Variants in LY96 observed in about 807,000 individuals in gnomAD.
LY96 encodes the protein lymphocyte antigen 96, also known as myeloid differentiation protein-2.
In LY96, 18 loss-of-function variants were observed where a neutral mutation model predicts 18.9. The ratio of observed to expected loss-of-function variants is 0.95; its 90% CI spans 0.66 to 1.41. The LOEUF (loss-of-function observed/expected upper bound fraction) is 1.41. Ranked by LOEUF, LY96 falls within the 40% of genes most tolerant of loss-of-function variation. LY96 has a pLI of 0.00. For synonymous variants in LY96, 66 were observed against 62.6 expected (o/e 1.06, Z -0.26); for missense variants, 175 against 182.4 (o/e 0.96, Z 0.23).
intron 3 of LY96, among the ~76,000 whole-genome samples, chr8:74,013,108 C>T (rs990726919): frequency 8.6e-5 from 13 of 151,888 alleles, no homozygotes; most frequent in Non-Finnish European, 1.6e-4. Flanking sequence ...AGGCACAGAT[C>T]ACCATGTCCA....
chr8:73,996,007 G>A (rs1816118623), intron 1 of LY96, among the ~76,000 whole-genome samples: 1 of 152,122 alleles, frequency 6.6e-6, no homozygotes, highest in Admixed American at 6.6e-5. Flanking sequence ...TTTTAAATCA[G>A]GATGGCCAGC....
chr8:74,095,434 G>A, the LY96 span, among the ~76,000 whole-genome samples: 3 of 152,174 alleles, frequency 2.0e-5, no homozygotes, highest in Admixed American at 1.3e-4. Context: ...TGCCAGCCAC[G>A]GTGCCCCTTT....
At chr8:74,039,984 A>G in the LY96 span, among the ~76,000 whole-genome samples, 36 of 152,164 alleles carry the variant, frequency 2.4e-4, no homozygotes, top group African/African-American at 8.0e-4. Context: ...CAGTCTGCTA[A>G]GTAATGGGTG....
the LY96 span, among the ~76,000 whole-genome samples, chr8:74,060,088 A>G: frequency 1.3e-5 from 2 of 151,942 alleles, no homozygotes; most frequent in African/African-American, 4.8e-5. Context: ...CAGAGGTTGC[A>G]GTGAGCCAGG....
chr8:74,058,593 C>T, the LY96 span, among the ~76,000 whole-genome samples: 640 of 150,828 alleles, frequency 4.2e-3, 3 homozygotes, highest in African/African-American at 0.015. Flanking sequence ...AATCTCGGCT[C>T]ACTGCAACCT....
chr8:74,061,447 T>A, the LY96 span, among the ~76,000 whole-genome samples: 2 of 152,186 alleles, frequency 1.3e-5, no homozygotes, highest in Non-Finnish European at 2.9e-5. Flanking sequence ...GAGAGAAACA[T>A]GTTTCTTAAC....
At chr8:73,996,372 C>CATTCCTTTCTTTCTTTCTTTCTTT (rs756373007) in intron 1 of LY96, among the ~76,000 whole-genome samples, 2 of 110,908 alleles carry the variant, frequency 1.8e-5, no homozygotes, top group African/African-American at 3.5e-5. Context: ...TTCCTTCATT[C>CATTCCTTTCTTTCTTTCTTTCTTT]CTTTCTTTCT....
the LY96 span, among the ~76,000 whole-genome samples, chr8:74,059,993 G>A: frequency 3.3e-5 from 5 of 152,232 alleles, no homozygotes; most frequent in East Asian, 9.7e-4. Flanking sequence ...ACAAAAATTA[G>A]CTGTGCGTGG....
chr8:74,035,954 A>G, the LY96 span, among the ~76,000 whole-genome samples: 1 of 152,220 alleles, frequency 6.6e-6, no homozygotes, highest in East Asian at 1.9e-4. Flanking sequence ...AATGTATAAA[A>G]GCAAGCTGTA....
the LY96 span, among the ~76,000 whole-genome samples, chr8:74,067,841 AC>A: frequency 2.0e-5 from 3 of 151,914 alleles, no homozygotes; most frequent in Non-Finnish European, 4.4e-5. Context: ...CAGACTGATC[AC>A]CTGAGGTCAG....
At chr8:74,096,305 T>A in the LY96 span, among the ~76,000 whole-genome samples, 1 of 152,256 alleles carries the variant, frequency 6.6e-6, no homozygotes, top group South Asian at 2.1e-4. Context: ...GCATGATCTG[T>A]CCCTTCCCCC....
chr8:74,071,846 T>C, the LY96 span, among the ~76,000 whole-genome samples: 4 of 152,222 alleles, frequency 2.6e-5, no homozygotes, highest in Admixed American at 1.3e-4. Flanking sequence ...TGTGTAGTGG[T>C]GGTTCATTTT....
chr8:74,052,729 G>T, the LY96 span: 8 of 152,178 alleles, frequency 5.3e-5, no homozygotes, highest in Non-Finnish European at 1.0e-4. Context: ...TGATTCAGGG[G>T]ATGATGCTTA....
At chr8:74,081,487 G>A in the LY96 span, among the ~76,000 whole-genome samples, 2 of 151,006 alleles carry the variant, frequency 1.3e-5, no homozygotes, top group Non-Finnish European at 2.9e-5. Flanking sequence ...TTGAGCTCCT[G>A]GGCTCAAGCT....
At chr8:74,088,637 G>A in the LY96 span, among the ~76,000 whole-genome samples, 1 of 152,148 alleles carries the variant, frequency 6.6e-6, no homozygotes, top group Non-Finnish European at 1.5e-5. Flanking sequence ...TCAGGCTGGA[G>A]TGCAGTGGCA....
chr8:73,991,601 G>A (rs1816005528), intron 1 of LY96, 47 bp downstream of exon 1: 3 of 1,145,286 alleles, frequency 2.6e-6, no homozygotes, highest in Admixed American at 1.7e-5. Flanking sequence ...ACTATTTTGA[G>A]GGTAAGTTTT....
At chr8:74,090,258 C>A in the LY96 span, among the ~76,000 whole-genome samples, 1 of 152,060 alleles carries the variant, frequency 6.6e-6, no homozygotes, top group Admixed American at 6.6e-5. Flanking sequence ...ACCATAAACT[C>A]CCAGGTGGTA....
chr8:73,996,178 A>T (rs972254401), intron 1 of LY96, among the ~76,000 whole-genome samples: 3 of 152,134 alleles, frequency 2.0e-5, no homozygotes, highest in Non-Finnish European at 4.4e-5. Context: ...TAATTTTTAA[A>T]TTTTTTGTAG....
chr8:74,030,292 C>G (rs1025490351), downstream of LY96, among the ~76,000 whole-genome samples: 47 of 152,166 alleles, frequency 3.1e-4, no homozygotes, highest in African/African-American at 1.1e-3. Flanking sequence ...GCGGGCAGAT[C>G]ACCTGAGGTC....
Sources: allele counts gnomAD v4.1 joint callset (sites outside exome capture counted in the v4.1 genomes callset), GRCh38; gene constraint gnomAD v4.1.1; transcripts MANE v1.5; gene names NCBI Gene and HGNC (gene_info 2026-07-23, HGNC 2026-07-21).